CTNNBL1: variants seen among roughly 807,000 people sequenced by gnomAD.
CTNNBL1 encodes the protein catenin beta like 1, also known as beta-catenin-like protein 1.
Under a neutral mutation model 72.7 loss-of-function variants are expected in CTNNBL1, and 31 were observed. That is an observed-to-expected ratio of 0.43 (90% CI 0.32 to 0.58). CTNNBL1 has a LOEUF of 0.58. CTNNBL1 is among the 20% of genes least tolerant of loss of function. The pLI is 0.08. For synonymous variants in CTNNBL1, 240 were observed against 267.3 expected (o/e 0.90, Z 1.00); for missense variants, 534 against 725.1 (o/e 0.74, Z 3.03).
At chr20:37,823,980 A>T (rs1042554585) in intron 11 of CTNNBL1, among the ~76,000 whole-genome samples, 1 of 152,148 alleles carries the variant, frequency 6.6e-6, no homozygotes, top group South Asian at 2.1e-4. Flanking sequence ...AGATTTTTTT[A>T]TGTGTTTAGT....
chr20:37,811,613 G>C (rs1463289905), intron 11 of CTNNBL1, among the ~76,000 whole-genome samples: 1 of 152,294 alleles, frequency 6.6e-6, no homozygotes, highest in Non-Finnish European at 1.5e-5. Context: ...ATGATTTTGA[G>C]TGGTGCACAT....
intron 10 of CTNNBL1, among the ~76,000 whole-genome samples, chr20:37,793,343 G>A (rs1466946546): frequency 2.6e-5 from 4 of 152,042 alleles, no homozygotes; most frequent in Non-Finnish European, 2.9e-5. Context: ...ATGTTCTTTT[G>A]TTTAATCGAC....
chr20:37,723,442 A>T (rs775681696), intron 1 of CTNNBL1, among the ~76,000 whole-genome samples: 66 of 152,170 alleles, frequency 4.3e-4, no homozygotes, highest in Non-Finnish European at 7.6e-4. Flanking sequence ...TTTAATTGGG[A>T]ATAAATGGTG....
In CTNNBL1 at chr20:37,750,851, A is replaced by G. The variant is rs1018512353; in HGVS notation, c.466+4244A>G. 3 of 152,072 alleles carry G rather than the reference A, an allele frequency of 2.0e-5. No individual in the cohort carries two copies. In the East Asian group the frequency reaches 5.8e-4, roughly 29 times the overall value. The allele number at this position is 152,072 out of a possible 1,614,324, so 9.4% of individuals were successfully genotyped here. On this transcript the variant is annotated intron_variant, in intron 4 of 15. Coordinates refer to ENST00000361383, the MANE Select transcript of CTNNBL1 (RefSeq NM_030877.5). ...AGTTTAAAGCAAAAACTCTCAAATTACCACCCTCCCCCACCATGGTGTGTG... is the reference window on the plus strand; with the variant it reads ...AGTTTAAAGCAAAAACTCTCAAATTGCCACCCTCCCCCACCATGGTGTGTG...
intron 7 of CTNNBL1, 102 bp from the exon 8 acceptor site, chr20:37,777,243 C>T (rs960942518): frequency 1.1e-6 from 1 of 892,202 alleles, no homozygotes; most frequent in Non-Finnish European, 1.8e-6. Context: ...TTTCTAACTT[C>T]TGCTTCTCTC....
At chr20:37,838,690 C>G (rs1296869530) in intron 11 of CTNNBL1, among the ~76,000 whole-genome samples, 1 of 152,136 alleles carries the variant, frequency 6.6e-6, no homozygotes, top group Non-Finnish European at 1.5e-5. Flanking sequence ...GAGTTCAACA[C>G]CAACCTGGGT....
intron 7 of CTNNBL1, among the ~76,000 whole-genome samples, chr20:37,774,611 C>G (rs928437916): frequency 3.3e-5 from 5 of 152,200 alleles, no homozygotes; most frequent in Admixed American, 3.3e-4. Flanking sequence ...TAGTGTCTTA[C>G]AGCAAAAGGT....
chr20:37,718,456 G>C (rs535910549), intron 1 of CTNNBL1, among the ~76,000 whole-genome samples: 1 of 134,736 alleles, frequency 7.4e-6, no homozygotes, highest in Non-Finnish European at 1.6e-5. Flanking sequence ...CTGGCCGGGC[G>C]GGGGGCTGAC....
At chr20:37,810,264 A>T (rs1174297060) in intron 11 of CTNNBL1, among the ~76,000 whole-genome samples, 1 of 152,274 alleles carries the variant, frequency 6.6e-6, no homozygotes, top group East Asian at 1.9e-4. Context: ...TGCTGTGTCA[A>T]CTCACGGTGG....
chr20:37,747,076 T>C (rs2073272266), intron 4 of CTNNBL1, among the ~76,000 whole-genome samples: 1 of 152,190 alleles, frequency 6.6e-6, no homozygotes, highest in Admixed American at 6.5e-5. Flanking sequence ...GTTTTGTTCA[T>C]TCCTAGTTCC....
At chr20:37,740,134 G>A (rs1254280812) in intron 3 of CTNNBL1, among the ~76,000 whole-genome samples, 4 of 152,010 alleles carry the variant, frequency 2.6e-5, no homozygotes, top group Admixed American at 2.0e-4. Context: ...CAGACAAAAT[G>A]TATATACTAT....
intron 13 of CTNNBL1, among the ~76,000 whole-genome samples, chr20:37,858,130 G>A (rs539269096): frequency 1.3e-5 from 2 of 152,348 alleles, no homozygotes; most frequent in East Asian, 1.9e-4. Flanking sequence ...CCAGAAAGTC[G>A]AGACTGCAAT....
At position 37,820,539 on chromosome 20, in the gene CTNNBL1, C is replaced by A. The variant is rs148919231; in HGVS notation, c.1213+17491C>A. 1.5e-3 allele frequency among the ~76,000 whole-genome samples: 228 copies of A among 152,306 alleles called. 1 individual carries two copies. In the Middle Eastern group the frequency reaches 0.017, roughly 11 times the overall value. The stretch of plus-strand genomic sequence containing the variant: ...ATCTCATCTTAAATTGTAATTCTCA[C>A]ATATCCAGAAAGGGACTTGGTGGAA... On this transcript the variant is annotated intron_variant, in intron 11 of 15. Coordinates refer to ENST00000361383, the MANE Select transcript of CTNNBL1 (RefSeq NM_030877.5).
intron 10 of CTNNBL1, among the ~76,000 whole-genome samples, chr20:37,802,616 T>C (rs1450247338): frequency 2.0e-5 from 3 of 152,250 alleles, no homozygotes; most frequent in East Asian, 1.9e-4. Context: ...TTCCAGTCAC[T>C]TTTAATGTAC....
chr20:37,829,252 C>T (rs774570616), intron 11 of CTNNBL1, among the ~76,000 whole-genome samples: 1 of 152,192 alleles, frequency 6.6e-6, no homozygotes, highest in African/African-American at 2.4e-5. Context: ...GAAACAAAGG[C>T]AGCTCTGTAG....
intron 1 of CTNNBL1, among the ~76,000 whole-genome samples, chr20:37,704,732 G>T (rs879764536): frequency 3.3e-5 from 5 of 151,886 alleles, no homozygotes; most frequent in Non-Finnish European, 5.9e-5. Flanking sequence ...AGGGAAGACT[G>T]TCAAATAAGT....
intron 7 of CTNNBL1, among the ~76,000 whole-genome samples, chr20:37,770,605 G>A (rs1186095406): frequency 1.3e-5 from 2 of 150,902 alleles, no homozygotes; most frequent in Non-Finnish European, 2.9e-5. Context: ...ACTTTTGAGT[G>A]TTTGGCTTGG....
At chr20:37,745,208 G>T (rs1200442009) in intron 3 of CTNNBL1, among the ~76,000 whole-genome samples, 1 of 152,168 alleles carries the variant, frequency 6.6e-6, no homozygotes, top group African/African-American at 2.4e-5. Context: ...TAAGTCTCTA[G>T]ATTTTGTTGC....
chr20:37,777,304 G>A, intron 7 of CTNNBL1, 41 bp from the exon 8 acceptor site: 1 of 1,506,446 alleles, frequency 6.6e-7, no homozygotes, highest in South Asian at 1.1e-5. Context: ...AAGGAAGCAA[G>A]ACCCCTTAAC....
Sources: allele counts gnomAD v4.1 joint callset (sites outside exome capture counted in the v4.1 genomes callset), GRCh38; gene constraint gnomAD v4.1.1; transcripts MANE v1.5; gene names NCBI Gene and HGNC (gene_info 2026-07-23, HGNC 2026-07-21).